The following BTK variants were observed in gnomAD, a reference collection of about 807,000 sequenced individuals.
The protein encoded by BTK is tyrosine-protein kinase BTK.
BTK carries 5 observed loss-of-function variants against 57.4 expected under a neutral mutation model. The ratio of observed to expected loss-of-function variants is 0.09; its 90% CI spans 0.05 to 0.18. The LOEUF (loss-of-function observed/expected upper bound fraction) is 0.18. BTK is among the 10% of genes least tolerant of loss of function. The probability of loss-of-function intolerance (pLI) is 1.00; values close to 1 mark genes in which losing one functional copy is unlikely to be tolerated. For synonymous variants in BTK, 154 were observed against 174.3 expected (o/e 0.88, Z 0.92); for missense variants, 194 against 501.2 (o/e 0.39, Z 5.85).
upstream of BTK, among the ~76,000 whole-genome samples, chrX:101,388,087 C>T (rs1927678395): frequency 9.0e-6 from 1 of 110,834 alleles, no homozygotes; most frequent in African/African-American, 3.3e-5. Flanking sequence ...AGGATGGTCT[C>T]GATCTCCTGA....
chrX:101,361,309 C>T (rs1276712622), intron 7 of BTK, among the ~76,000 whole-genome samples: 1 of 110,974 alleles, frequency 9.0e-6, no homozygotes, highest in Non-Finnish European at 1.9e-5. Flanking sequence ...AGGAATGGGA[C>T]CCAAACATTA....
In BTK at chrX:101,349,776, G is replaced by T; in HGVS notation, c.*109C>A. 1.5e-6 allele frequency: 1 copy of T among 657,209 alleles called. No individual in the cohort carries two copies. Among genetic ancestry groups the T allele is most frequent in the Admixed American group, 2.5e-5 (1 of 39,755 alleles). 54.2% of individuals were successfully genotyped at this position (657,209 alleles called of 1,213,427 possible). A position where few individuals can be genotyped will look rare whatever the true frequency, so the allele number is the denominator to read the frequency against. Reference sequence around the variant, plus strand: ...ATGTAGAGAGGGGCCTTTTTGTATTGAGTGGGAGCACAAAGGCTCCAGGGC... The same window carrying T: ...ATGTAGAGAGGGGCCTTTTTGTATTTAGTGGGAGCACAAAGGCTCCAGGGC... On this transcript the variant is annotated 3_prime_UTR_variant, in exon 19 of 19. Transcript: ENST00000308731.
At chrX:101,356,648 G>A (rs1191041336) in intron 14 of BTK, 136 bp downstream of exon 14, 5 of 716,994 alleles carry the variant, frequency 7.0e-6, no homozygotes, top group African/African-American at 6.3e-5. Flanking sequence ...TAGGACTACC[G>A]CCAGTTAAAG....
chrX:101,364,418 A>C (rs1926782298), intron 5 of BTK, among the ~76,000 whole-genome samples: 1 of 105,505 alleles, frequency 9.5e-6, no homozygotes, highest in African/African-American at 3.5e-5. Flanking sequence ...TCAAAAAAAA[A>C]AAAAAAGAAA....
chrX:101,355,981 A>G, intron 15 of BTK, 71 bp downstream of exon 15: 1 of 1,044,870 alleles, frequency 9.6e-7, no homozygotes, highest in Non-Finnish European at 1.3e-6. Context: ...TCAACCATGT[A>G]TGATATATCT....
intron 1 of BTK, among the ~76,000 whole-genome samples, chrX:101,380,608 G>A (rs184853189): frequency 9.0e-6 from 1 of 111,097 alleles, no homozygotes; most frequent in African/African-American, 3.3e-5. Flanking sequence ...TCCCTCCATA[G>A]AGATTACCAA....
At chrX:101,363,890 T>C (rs1266191143) in intron 5 of BTK, among the ~76,000 whole-genome samples, 1 of 16,342 alleles carries the variant, frequency 6.1e-5, no homozygotes, top group Non-Finnish European at 1.0e-4. Flanking sequence ...TCCCGCACAT[T>C]ATTATTATTA....
intron 2 of BTK, 79 bp from the exon 3 acceptor site, chrX:101,374,713 A>G: frequency 1.1e-6 from 1 of 877,081 alleles, no homozygotes; most frequent in Admixed American, 2.2e-5. Flanking sequence ...TTGTTATCTA[A>G]TCATTCAACA....
upstream of BTK, among the ~76,000 whole-genome samples, chrX:101,389,981 A>T (rs1380625703): frequency 1.8e-5 from 2 of 111,751 alleles, no homozygotes; most frequent in Non-Finnish European, 3.8e-5. Flanking sequence ...TATAATTACC[A>T]GGCCACAACA....
chrX:101,352,665 G>A (rs1454902494), intron 18 of BTK, among the ~76,000 whole-genome samples: 1 of 111,873 alleles, frequency 8.9e-6, no homozygotes, highest in African/African-American at 3.2e-5. Flanking sequence ...TTGGGAGGCC[G>A]AGGTGGGTGG....
chrX:101,378,002 G>A (rs1473409005), intron 1 of BTK: 1 of 105,877 alleles, frequency 9.4e-6, no homozygotes, highest in Non-Finnish European at 1.9e-5. Context: ...TCCTCCAGAA[G>A]GTTGGTGTGT....
intron 18 of BTK, among the ~76,000 whole-genome samples, chrX:101,352,313 C>G (rs1555977180): frequency 8.9e-6 from 1 of 112,103 alleles, no homozygotes; most frequent in African/African-American, 3.2e-5. Context: ...CTGAATGCCT[C>G]TGGCTGCCTG....
At chrX:101,359,890 TATAC>T (rs1356234435) in intron 9 of BTK, among the ~76,000 whole-genome samples, 194 bp downstream of exon 9, 1 of 105,830 alleles carries the variant, frequency 9.4e-6, no homozygotes. Flanking sequence ...TATATATATA[TATAC>T]ACACTTGTGT....
intron 5 of BTK, among the ~76,000 whole-genome samples, chrX:101,368,483 G>C (rs1433113693): frequency 8.9e-6 from 1 of 112,062 alleles, no homozygotes; most frequent in Non-Finnish European, 1.9e-5. Flanking sequence ...AAGAATCCAG[G>C]CTCCACCATT....
At chrX:101,358,270 G>T (rs1603006237) in intron 12 of BTK, 40 bp downstream of exon 12, 2 of 1,209,296 alleles carry the variant, frequency 1.7e-6, no homozygotes, top group Non-Finnish European at 2.2e-6. Context: ...TGCTTATCCT[G>T]GTGTCTGTAA....
intron 1 of BTK, among the ~76,000 whole-genome samples, chrX:101,381,387 T>C (rs1363244556): frequency 8.9e-6 from 1 of 111,891 alleles, no homozygotes; most frequent in African/African-American, 3.2e-5. Context: ...AGTCCTGTCT[T>C]CCTGATGCTT....
chrX:101,377,934 C>G (rs1312420391), intron 1 of BTK: 1 of 111,735 alleles, frequency 8.9e-6, no homozygotes, highest in Non-Finnish European at 1.9e-5. Flanking sequence ...GTAGCTCTTC[C>G]TTAGGTGCCA....
intron 1 of BTK, among the ~76,000 whole-genome samples, chrX:101,379,118 G>A (rs1411072920): frequency 1.9e-5 from 2 of 105,537 alleles, no homozygotes; most frequent in Admixed American, 2.1e-4. Context: ...AGGTTGCAGT[G>A]AGCCAAGATC....
At chrX:101,378,528 G>GAC (rs72139259) in intron 1 of BTK, among the ~76,000 whole-genome samples, 5,219 of 95,306 alleles carry the variant, frequency 0.055, 269 homozygotes, top group African/African-American at 0.15. Context: ...CAAACATACA[G>GAC]ACACACACAC....
Sources: gnomAD v4.1 joint callset for allele counts (sites outside exome capture counted in the v4.1 genomes callset) on GRCh38, gnomAD v4.1.1 for gene constraint, MANE v1.5 for transcripts, NCBI Gene and HGNC (gene_info 2026-07-23, HGNC 2026-07-21) for gene names.